NOS1AP: variants seen among roughly 807,000 people sequenced by gnomAD.
NOS1AP encodes the protein carboxyl-terminal PDZ ligand of neuronal nitric oxide synthase protein.
NOS1AP carries 21 observed loss-of-function variants against 56.2 expected under a neutral mutation model. The observed-to-expected ratio is 0.37, with a 90% confidence interval of 0.26 to 0.54. NOS1AP has a LOEUF of 0.54. NOS1AP is among the 20% of genes least tolerant of loss of function. The pLI is 0.84. For synonymous variants in NOS1AP, 270 were observed against 274.6 expected (o/e 0.98, Z 0.17); for missense variants, 522 against 657.8 (o/e 0.79, Z 2.26).
intron 5 of NOS1AP, among the ~76,000 whole-genome samples, chr1:162,337,208 C>T (rs566976906): frequency 7.2e-5 from 11 of 152,310 alleles, no homozygotes; most frequent in Admixed American, 3.3e-4. Flanking sequence ...TTAACAGGAG[C>T]TGCAGGCATC....
intron 1 of NOS1AP, among the ~76,000 whole-genome samples, chr1:162,121,562 C>T (rs920476657): frequency 6.6e-6 from 1 of 152,030 alleles, no homozygotes. Context: ...CTAGTTTTGC[C>T]CTTTACAGCT....
intron 1 of NOS1AP, among the ~76,000 whole-genome samples, chr1:162,145,798 T>C (rs1649438443): frequency 6.6e-6 from 1 of 152,176 alleles, no homozygotes; most frequent in Non-Finnish European, 1.5e-5. Flanking sequence ...TATGCTTTTG[T>C]GTGTTTTGGA....
chr1:162,354,560 TCTC>T (rs1232360448), intron 6 of NOS1AP, among the ~76,000 whole-genome samples: 1 of 152,296 alleles, frequency 6.6e-6, no homozygotes, highest in African/African-American at 2.4e-5. Context: ...ACCCCATCTC[TCTC>T]CTCCTCCCCG....
Position 162,264,467 on chromosome 1 carries a change from TCCCCTCCC to T in NOS1AP, c.178-22875_178-22868del, listed in dbSNP as rs1557855343. Among the ~76,000 whole-genome samples the T allele has an allele frequency of 2.4e-4, 9 of 37,222 alleles. 1 individual carries two copies. Among genetic ancestry groups the T allele is most frequent in the South Asian group, 1.7e-3 (1 of 592 alleles). The allele number at this position is 37,222 out of a possible 152,430, so 24.4% of individuals were successfully genotyped here. ...TCTCTTCTCTTCTCTTCTCTTCTCC[TCCCCTCCC>T]CTCCCCTCCCCTCTCCTCCTCTCCT... On this transcript the variant is annotated intron_variant, in intron 2 of 9. Coordinates refer to ENST00000361897, the MANE Select transcript of NOS1AP (RefSeq NM_014697.3).
At chr1:162,129,858 T>A (rs1648671247) in intron 1 of NOS1AP, among the ~76,000 whole-genome samples, 1 of 152,244 alleles carries the variant, frequency 6.6e-6, no homozygotes, top group Admixed American at 6.5e-5. Context: ...ATCATGCCTG[T>A]ATTATCTGTG....
At chr1:162,283,091 CCTCT>C (rs71712965) in intron 2 of NOS1AP, among the ~76,000 whole-genome samples, 3 of 149,768 alleles carry the variant, frequency 2.0e-5, no homozygotes, top group African/African-American at 7.4e-5. Context: ...GCTCGCTCTC[CCTCT>C]CTCTCTCTCT....
chr1:162,304,183 T>C (rs1406191853), intron 4 of NOS1AP, among the ~76,000 whole-genome samples: 2 of 152,270 alleles, frequency 1.3e-5, no homozygotes, highest in East Asian at 3.9e-4. Context: ...CCTCCTCCTC[T>C]TCCTTCTCTT....
intron 2 of NOS1AP, among the ~76,000 whole-genome samples, chr1:162,162,013 T>A (rs919740953): frequency 2.0e-5 from 3 of 152,242 alleles, no homozygotes; most frequent in Non-Finnish European, 4.4e-5. Flanking sequence ...TAGGAATGTA[T>A]GTTCAAGTGT....
At chr1:162,278,133 G>A (rs932365161) in intron 2 of NOS1AP, among the ~76,000 whole-genome samples, 1 of 152,058 alleles carries the variant, frequency 6.6e-6, no homozygotes, top group Non-Finnish European at 1.5e-5. Flanking sequence ...GATTGACCTG[G>A]CCTCACCAAA....
intron 2 of NOS1AP, among the ~76,000 whole-genome samples, chr1:162,217,665 C>G (rs1652629264): frequency 6.6e-6 from 1 of 152,120 alleles, no homozygotes; most frequent in South Asian, 2.1e-4. Context: ...GTGGCTGGCT[C>G]CCTGATGCCA....
intron 2 of NOS1AP, among the ~76,000 whole-genome samples, chr1:162,248,053 TG>T (rs1284742981): frequency 6.6e-6 from 1 of 152,038 alleles, no homozygotes; most frequent in Non-Finnish European, 1.5e-5. Flanking sequence ...GAGGCTGAGT[TG>T]GGAGGATCGC....
At chr1:162,214,825 G>C (rs1652501907) in intron 2 of NOS1AP, among the ~76,000 whole-genome samples, 1 of 152,120 alleles carries the variant, frequency 6.6e-6, no homozygotes. Flanking sequence ...TGGGAGTTCT[G>C]TCTGTACGCT....
At chr1:162,168,855 C>A (rs1254204183) in intron 2 of NOS1AP, among the ~76,000 whole-genome samples, 1 of 152,092 alleles carries the variant, frequency 6.6e-6, no homozygotes, top group Non-Finnish European at 1.5e-5. Flanking sequence ...AAATAAGAGG[C>A]CTAAGGGGCT....
intron 2 of NOS1AP, among the ~76,000 whole-genome samples, chr1:162,219,458 A>G (rs1376982873): frequency 6.6e-6 from 1 of 151,758 alleles, no homozygotes; most frequent in Non-Finnish European, 1.5e-5. Flanking sequence ...CTGTTCCTCT[A>G]CTGAGGTGGG....
intron 2 of NOS1AP, among the ~76,000 whole-genome samples, chr1:162,159,135 A>T (rs1192527396): frequency 6.6e-6 from 1 of 152,124 alleles, no homozygotes; most frequent in East Asian, 1.9e-4. Context: ...CAGCAGCCAG[A>T]TGTTTGGTAT....
chr1:162,141,671 T>C (rs894118962), intron 1 of NOS1AP, among the ~76,000 whole-genome samples: 5 of 152,372 alleles, frequency 3.3e-5, no homozygotes, highest in African/African-American at 1.2e-4. Flanking sequence ...TCTTGCTCTC[T>C]TTCTTTCCAC....
intron 7 of NOS1AP, among the ~76,000 whole-genome samples, chr1:162,355,901 G>A (rs2101820260): frequency 6.6e-6 from 1 of 152,274 alleles, no homozygotes; most frequent in Non-Finnish European, 1.5e-5. Context: ...GCATCTGGGG[G>A]TTCCTAATGT....
At chr1:162,342,742 G>C in intron 5 of NOS1AP, 1 of 378,206 alleles carries the variant, frequency 2.6e-6, no homozygotes, top group South Asian at 2.0e-5. Context: ...CCATTACCTG[G>C]GGTGGGTGGG....
At chr1:162,344,456 G>C (rs1028379488) in intron 6 of NOS1AP, among the ~76,000 whole-genome samples, 1 of 151,802 alleles carries the variant, frequency 6.6e-6, no homozygotes, top group Admixed American at 6.6e-5. Context: ...AGCACTTTGG[G>C]AGGCTGAGAT....
Sources: allele counts gnomAD v4.1 joint callset (sites outside exome capture counted in the v4.1 genomes callset), GRCh38; gene constraint gnomAD v4.1.1; transcripts MANE v1.5; gene names NCBI Gene and HGNC (gene_info 2026-07-23, HGNC 2026-07-21).